The following TMEM150B variants were observed in gnomAD, a reference collection of about 807,000 sequenced individuals.
The protein encoded by TMEM150B is transmembrane protein 150B, also known as modulator of macroautophagy TMEM150B.
TMEM150B carries 33 observed loss-of-function variants against 25.2 expected under a neutral mutation model. The ratio of observed to expected loss-of-function variants is 1.31; its 90% CI spans 0.99 to 1.75. TMEM150B has a LOEUF of 1.75. TMEM150B is among the 40% of genes most tolerant of loss of function. The pLI is 0.00. For synonymous variants in TMEM150B, 133 were observed against 134.8 expected (o/e 0.99, Z 0.09); for missense variants, 322 against 306.1 (o/e 1.05, Z -0.39).
intron 6 of TMEM150B, among the ~76,000 whole-genome samples, chr19:55,317,636 C>T (rs1245721191): frequency 3.3e-5 from 5 of 152,006 alleles, no homozygotes; most frequent in Non-Finnish European, 7.4e-5. Flanking sequence ...AAAAAATTAG[C>T]TAGGCGTGGT....
intron 4 of TMEM150B, 43 bp downstream of exon 4, chr19:55,320,515 G>A: frequency 1.9e-6 from 3 of 1,612,480 alleles, no homozygotes; most frequent in Non-Finnish European, 2.5e-6. Context: ...CCACTTTCCT[G>A]CAGCGGCGAT....
downstream of TMEM150B, chr19:55,312,087 G>A (rs1394705412): frequency 7.2e-7 from 1 of 1,382,866 alleles, no homozygotes; most frequent in Non-Finnish European, 9.5e-7. Context: ...GGCCGGGGAG[G>A]GAGGGGACCC....
intron 7 of TMEM150B, among the ~76,000 whole-genome samples, chr19:55,315,125 G>T (rs2088952283): frequency 6.6e-6 from 1 of 151,776 alleles, no homozygotes; most frequent in South Asian, 2.1e-4. Flanking sequence ...AGACCAGCCT[G>T]CCCAGCATGG....
chr19:55,322,207 C>A (rs1173278849), intron 2 of TMEM150B, among the ~76,000 whole-genome samples: 1 of 152,162 alleles, frequency 6.6e-6, no homozygotes, highest in African/African-American at 2.4e-5. Context: ...GACCTCTAGG[C>A]CCTCCTTCCT....
At chr19:55,318,854 G>A (rs1250032232) in intron 6 of TMEM150B, among the ~76,000 whole-genome samples, 1 of 152,212 alleles carries the variant, frequency 6.6e-6, no homozygotes, top group African/African-American at 2.4e-5. Flanking sequence ...AGGCTGGAGT[G>A]CAGTGGCACA....
rs772709537 is a variant in TMEM150B, at chr19:55,312,870, C to T, written c.691G>A (p.Val231Ile). Residue 231 changes from valine to isoleucine, a missense_variant, in exon 8 of 8, where the codon GTC becomes ATC. Transcript: ENST00000326652. ...GGTCAGGGTGCCTGCTACAGCTGGACCGGCAGGGAGATGGGGGAGGCCGGC... is the reference window on the plus strand; with the variant it reads ...GGTCAGGGTGCCTGCTACAGCTGGATCGGCAGGGAGATGGGGGAGGCCGGC... The part of the protein sequence containing the change: ...PPPASPISLP[V>I]QL The T allele has an allele frequency of 2.0e-5, 32 of 1,590,174 alleles. No individual in the cohort carries two copies. The Admixed American group carries it at 2.7e-4, about 13-fold the overall frequency.
intron 7 of TMEM150B, 61 bp from the exon 8 acceptor site, chr19:55,313,116 T>C: frequency 6.6e-7 from 1 of 1,511,696 alleles, no homozygotes; most frequent in East Asian, 2.4e-5. Context: ...GCCTGGTCTC[T>C]GTGCCGCCTC....
intron 1 of TMEM150B, among the ~76,000 whole-genome samples, chr19:55,323,400 C>A (rs1417908784): frequency 6.6e-6 from 1 of 151,740 alleles, no homozygotes; most frequent in Non-Finnish European, 1.5e-5. Flanking sequence ...CCATTGGACT[C>A]CAGCCTGGGT....
chr19:55,320,887 C>A (rs2089187960), intron 3 of TMEM150B, 82 bp downstream of exon 3: 9 of 1,525,978 alleles, frequency 5.9e-6, no homozygotes, highest in Admixed American at 2.1e-5. Context: ...CCCCCAACCC[C>A]TTCCTCCCTC....
intron 7 of TMEM150B, among the ~76,000 whole-genome samples, chr19:55,316,360 A>ACCAT (rs10638101): frequency 6.6e-6 from 1 of 151,260 alleles, no homozygotes; most frequent in African/African-American, 2.4e-5. Context: ...ACTCGTAACC[A>ACCAT]CATGATTCCT....
At chr19:55,313,483 C>A (rs764509113) in intron 7 of TMEM150B, among the ~76,000 whole-genome samples, 5 of 152,144 alleles carry the variant, frequency 3.3e-5, no homozygotes, top group African/African-American at 4.8e-5. Flanking sequence ...ACATCCACCC[C>A]GCTACCCATG....
At chr19:55,315,834 G>A (rs1049861840) in intron 7 of TMEM150B, among the ~76,000 whole-genome samples, 21 of 152,164 alleles carry the variant, frequency 1.4e-4, no homozygotes, top group Non-Finnish European at 2.9e-4. Flanking sequence ...GAAGGCTGAG[G>A]CAGGAGAATC....
downstream of TMEM150B, among the ~76,000 whole-genome samples, chr19:55,311,297 G>A (rs377468156): frequency 2.6e-5 from 4 of 152,126 alleles, no homozygotes; most frequent in East Asian, 3.9e-4. Flanking sequence ...CGAGGTCTCC[G>A]CCACGGGACC....
chr19:55,311,453 C>A (rs2088792406), downstream of TMEM150B, among the ~76,000 whole-genome samples: 2 of 152,128 alleles, frequency 1.3e-5, no homozygotes, highest in Non-Finnish European at 2.9e-5. Flanking sequence ...GCCTGAGACC[C>A]CCCCGACTCC....
chr19:55,321,951 C>A (rs1392746134), intron 2 of TMEM150B, among the ~76,000 whole-genome samples: 1 of 152,142 alleles, frequency 6.6e-6, no homozygotes, highest in Non-Finnish European at 1.5e-5. Context: ...GCTGGAGTTC[C>A]CCAGGCAGGC....
At chr19:55,311,882 C>T, downstream of TMEM150B, 1 of 1,608,434 alleles carries the variant, frequency 6.2e-7, no homozygotes, top group African/African-American at 1.3e-5. Flanking sequence ...GGCTGCGGAA[C>T]CCACGAAAAA....
intron 7 of TMEM150B, among the ~76,000 whole-genome samples, chr19:55,316,523 A>G (rs1192399002): frequency 1.3e-5 from 2 of 151,954 alleles, no homozygotes; most frequent in Admixed American, 1.3e-4. Flanking sequence ...GTCGTTATCC[A>G]CATTTGAGGG....
In TMEM150B at chr19:55,316,976, G is replaced by A; in HGVS notation, c.325-10C>T. The A allele has an allele frequency of 6.3e-7, 1 of 1,592,968 alleles. No individual in the cohort carries two copies. Among genetic ancestry groups the A allele is most frequent in the African/African-American group, 1.4e-5 (1 of 73,746 alleles). ...GCCGCTGGTTCTTTTCCTGGGAGGA[G>A]AAGGGAGAAGTTGGGAGGGAGACTC... is the stretch of plus-strand genomic sequence containing the variant. On this transcript the variant is annotated splice_polypyrimidine_tract_variant and intron_variant, in intron 6 of 7. Coordinates refer to ENST00000326652, the MANE Select transcript of TMEM150B (RefSeq NM_001282011.2).
chr19:55,320,548 G>A lies in TMEM150B; in HGVS notation c.128+10C>T. The A allele has an allele frequency of 6.2e-7, 1 of 1,613,984 alleles. No individual in the cohort carries two copies. Among genetic ancestry groups the A allele is most frequent in the Non-Finnish European group, 8.5e-7 (1 of 1,179,920 alleles). ...GATCCCCCCAAATCCCTACCCTCGG[G>A]CAGAATTACCTGATGTAGGGAAAGC... is the stretch of plus-strand genomic sequence containing the variant. On this transcript the variant is annotated intron_variant, in intron 4 of 7. Transcript: ENST00000326652.
Sources: gnomAD v4.1 joint callset for allele counts (sites outside exome capture counted in the v4.1 genomes callset) on GRCh38, gnomAD v4.1.1 for gene constraint, MANE v1.5 for transcripts, NCBI Gene and HGNC (gene_info 2026-07-23, HGNC 2026-07-21) for gene names.